The following ADCY5 variants were observed in gnomAD, a reference collection of about 807,000 sequenced individuals.
ADCY5 encodes the protein adenylate cyclase type 5.
A neutral mutation model predicts 119.7 loss-of-function variants in ADCY5; 30 were observed. That is an observed-to-expected ratio of 0.25 (90% CI 0.19 to 0.34). ADCY5 has a LOEUF of 0.34. Among genes scored for constraint, ADCY5 ranks in the 10% least tolerant of loss-of-function variants. ADCY5 has a pLI of 1.00. For synonymous variants in ADCY5, 753 were observed against 762.2 expected, an observed-to-expected ratio of 0.99 and a Z score of 0.20; for missense variants, 1,324 against 1,775.2, an observed-to-expected ratio of 0.75 and a Z score of 4.57.
intron 1 of ADCY5, among the ~76,000 whole-genome samples, chr3:123,385,129 A>T (rs1944175821): frequency 6.6e-6 from 1 of 152,164 alleles, no homozygotes; most frequent in Non-Finnish European, 1.5e-5. Flanking sequence ...TAAACAAGCA[A>T]GAAACTCCAG....
At chr3:123,393,228 T>G (rs1262543606) in intron 1 of ADCY5, among the ~76,000 whole-genome samples, 1 of 152,160 alleles carries the variant, frequency 6.6e-6, no homozygotes, top group Non-Finnish European at 1.5e-5. Flanking sequence ...TCATTAAACC[T>G]TCTTGGAATC....
intron 1 of ADCY5, among the ~76,000 whole-genome samples, chr3:123,390,634 CAG>C (rs1485615639): frequency 6.6e-6 from 1 of 152,256 alleles, no homozygotes; most frequent in Non-Finnish European, 1.5e-5. Flanking sequence ...GGAGTAAAGA[CAG>C]AGGGCTGGGC....
chr3:123,447,008 A>G (rs1945828457), intron 1 of ADCY5, among the ~76,000 whole-genome samples: 1 of 152,146 alleles, frequency 6.6e-6, no homozygotes, highest in Admixed American at 6.5e-5. Context: ...GGATTAACAA[A>G]GCAGCAGTGG....
intron 1 of ADCY5, among the ~76,000 whole-genome samples, chr3:123,440,028 C>T (rs913327523): frequency 3.3e-5 from 5 of 152,214 alleles, no homozygotes; most frequent in African/African-American, 4.8e-5. Context: ...GCTTCCAAGC[C>T]GAGCTGCGTC....
In ADCY5 at chr3:123,304,413, A is replaced by T. The variant is rs1201406882; in HGVS notation, c.2443-230T>A. 3.9e-5 allele frequency among the ~76,000 whole-genome samples: 6 copies of T among 152,270 alleles called. No individual in the cohort carries two copies. In the East Asian group the frequency reaches 1.2e-3, roughly 29 times the overall value. On this transcript the variant is annotated intron_variant, in intron 12 of 20. Transcript: ENST00000462833. ...GATTCTGCAGCTGACCAGGAGCGGG[A>T]CTACGTGGGGAACCCAGGTGAGAGA...
At chr3:123,375,169 A>G (rs975153575) in intron 1 of ADCY5, among the ~76,000 whole-genome samples, 1 of 152,180 alleles carries the variant, frequency 6.6e-6, no homozygotes, top group African/African-American at 2.4e-5. Flanking sequence ...AAGGGCTGGG[A>G]TCTGGTTAGT....
chr3:123,317,957 C>G (rs1054880242), intron 11 of ADCY5, 63 bp downstream of exon 11: 1 of 1,464,202 alleles, frequency 6.8e-7, no homozygotes, highest in Admixed American at 1.7e-5. Context: ...ATGACCACCC[C>G]CTCCCACTCC....
chr3:123,448,421 T>C lies in ADCY5; in HGVS notation c.125A>G (p.Tyr42Cys), dbSNP rs1370443253. ...GGCAGAGCCCCCGGGGGCATGGGGG[T>C]AGCCATTCGCGCGGGAATCGGCCTC... ...WGEADSRANG[Y>C]PHAPGGSARG... Residue 42 changes from tyrosine to cysteine, a missense_variant, in exon 1 of 21, where the codon TAC becomes TGC. By Grantham distance (194) the Tyr-to-Cys change is radical (BLOSUM62 -2). Around this residue, in one of 6 missense-constraint regions of ADCY5, gnomAD observed 585 missense variants for 569.9 expected, o/e 1.03. Transcript: ENST00000462833. 19 of 1,374,560 alleles carry C rather than the reference T, an allele frequency of 1.4e-5. No homozygotes were observed. The highest frequency in any genetic ancestry group is 1.8e-5 in the Non-Finnish European group (19 of 1,067,190). The allele number at this position is 1,374,560 out of a possible 1,614,324, so 85.1% of individuals were successfully genotyped here.
At position 123,416,159 on chromosome 3, in the gene ADCY5, G is replaced by A. The variant is rs781056901; in HGVS notation, c.1134+31253C>T. On this transcript the variant is annotated intron_variant, in intron 1 of 20. Transcript: ENST00000462833. ...GCAGAAAGGGACAGGTAGTGTGGGA[G>A]GCCTGAGGTGGCCATGACACTCACC... The A allele has an allele frequency of 2.1e-5, 32 of 1,535,928 alleles. No individual in the cohort carries two copies. In the Middle Eastern group the frequency reaches 5.0e-4, roughly 24 times the overall value.
At chr3:123,399,518 T>C (rs893956071) in intron 1 of ADCY5, among the ~76,000 whole-genome samples, 3 of 152,238 alleles carry the variant, frequency 2.0e-5, no homozygotes, top group Non-Finnish European at 4.4e-5. Context: ...GCTTATTTTT[T>C]TTTTACTGTG....
intron 8 of ADCY5, among the ~76,000 whole-genome samples, chr3:123,322,014 C>T (rs149863497): frequency 1.1e-3 from 174 of 152,310 alleles, no homozygotes; most frequent in Admixed American, 3.7e-3. Context: ...CCAGGCCCTC[C>T]CTCCAGGCTG....
At chr3:123,418,518 G>A (rs569128810) in intron 1 of ADCY5, among the ~76,000 whole-genome samples, 1 of 152,268 alleles carries the variant, frequency 6.6e-6, no homozygotes, top group Admixed American at 6.5e-5. Context: ...AAGATCAAAG[G>A]GGAAGCAGAT....
chr3:123,386,594 T>C (rs1944233700), intron 1 of ADCY5, among the ~76,000 whole-genome samples: 1 of 152,178 alleles, frequency 6.6e-6, no homozygotes, highest in African/African-American at 2.4e-5. Context: ...GTTTTGCTGC[T>C]AAATCATATG....
intron 1 of ADCY5, among the ~76,000 whole-genome samples, chr3:123,438,599 A>G (rs1371397816): frequency 6.6e-6 from 1 of 152,140 alleles, no homozygotes; most frequent in Non-Finnish European, 1.5e-5. Context: ...CCCCTGCCCC[A>G]TAGCAGGCTC....
intron 1 of ADCY5, among the ~76,000 whole-genome samples, chr3:123,360,155 T>C (rs1943197043): frequency 6.6e-6 from 1 of 152,084 alleles, no homozygotes; most frequent in African/African-American, 2.4e-5. Context: ...GAATCAAGAT[T>C]GCTGTTATGT....
intron 8 of ADCY5, among the ~76,000 whole-genome samples, chr3:123,321,222 C>T (rs1309629932): frequency 3.9e-5 from 6 of 152,118 alleles, no homozygotes; most frequent in Admixed American, 3.9e-4. Flanking sequence ...TACATCACAC[C>T]GAGCACACAT....
At chr3:123,365,505 C>T (rs1943403509) in intron 1 of ADCY5, among the ~76,000 whole-genome samples, 1 of 152,138 alleles carries the variant, frequency 6.6e-6, no homozygotes, top group South Asian at 2.1e-4. Context: ...GAGTGGCCCC[C>T]AAGCAAGGCA....
intron 1 of ADCY5, among the ~76,000 whole-genome samples, chr3:123,410,615 T>C (rs944156691): frequency 1.3e-5 from 2 of 152,200 alleles, no homozygotes; most frequent in East Asian, 1.9e-4. Context: ...GGCTCAACAA[T>C]GGCAGCTCTT....
chr3:123,330,852 CAGGG>C, intron 5 of ADCY5, 33 bp downstream of exon 5: 2 of 1,588,526 alleles, frequency 1.3e-6, no homozygotes, highest in African/African-American at 2.7e-5. Context: ...TGGACAGTCC[CAGGG>C]AGGGAGACGG....
Sources: gnomAD v4.1 joint callset for allele counts (sites outside exome capture counted in the v4.1 genomes callset) on GRCh38, gnomAD v4.1.1 for gene constraint, gnomAD v4.1.1 regional missense constraint, MANE v1.5 for transcripts, NCBI Gene and HGNC (gene_info 2026-07-23, HGNC 2026-07-21) for gene names.